CLCN7: variants seen among roughly 807,000 people sequenced by gnomAD.
CLCN7 encodes Cl-/H+ antiporter 7.
A neutral mutation model predicts 102.1 loss-of-function variants in CLCN7; 60 were observed. That is an observed-to-expected ratio of 0.59 (90% confidence interval 0.48 to 0.73). The LOEUF is 0.73. CLCN7 is among the 30% of genes least tolerant of loss of function. CLCN7 has a pLI of 0.00. For missense variants in CLCN7, 962 were observed against 1,125.7 expected (o/e 0.85, Z 2.08); for synonymous variants, 560 against 490.5 (o/e 1.14, Z -1.87).
chr16:1,460,776 C>G (rs1180419317), intron 5 of CLCN7, 40 bp downstream of exon 5: 1 of 1,613,300 alleles, frequency 6.2e-7, no homozygotes, highest in African/African-American at 1.3e-5. Flanking sequence ...CCAGGCCACG[C>G]CCCCCTCCCA....
intron 1 of CLCN7, among the ~76,000 whole-genome samples, chr16:1,468,173 C>T (rs1233606006): frequency 2.6e-5 from 4 of 152,052 alleles, no homozygotes; most frequent in South Asian, 2.1e-4. Context: ...GGAGGGCCAC[C>T]GTCTACACCA....
intron 7 of CLCN7, among the ~76,000 whole-genome samples, chr16:1,458,649 G>A (rs763819886): frequency 1.1e-4 from 17 of 152,214 alleles, no homozygotes; most frequent in Admixed American, 2.0e-4. Flanking sequence ...GAACGATGGC[G>A]GCACAGACAG....
At chr16:1,470,883 A>T (rs548558567) in intron 1 of CLCN7, among the ~76,000 whole-genome samples, 1 of 152,064 alleles carries the variant, frequency 6.6e-6, no homozygotes, top group African/African-American at 2.4e-5. Context: ...GTGTCCCAAC[A>T]TGAGTTCCCA....
intron 2 of CLCN7, 139 bp from the exon 3 acceptor site, chr16:1,461,813 G>A (rs1049242947): frequency 3.6e-5 from 28 of 769,122 alleles, no homozygotes; most frequent in Middle Eastern, 3.4e-4. Context: ...CATGGGGCGC[G>A]GTGGCTGACA....
intron 24 of CLCN7, 85 bp downstream of exon 24, chr16:1,446,921 C>T: frequency 2.3e-6 from 3 of 1,330,750 alleles, no homozygotes; most frequent in Non-Finnish European, 2.1e-6. Flanking sequence ...TTCCGTGTCC[C>T]CTGCCGGGAG....
Position 1,446,408 on chromosome 16 carries a change from G to A in CLCN7, c.*223C>T. The A allele has an allele frequency of 1.4e-6, 1 of 702,266 alleles. No homozygotes were observed. The highest frequency in any genetic ancestry group is 2.6e-6 in the Non-Finnish European group (1 of 384,814). The allele number at this position is 702,266 out of a possible 1,614,324, so 43.5% of individuals were successfully genotyped here. ...ACCTAGACGAGGAGAGTGGAGGCTG[G>A]GCCTGCGCAAGGAGGCGCCAAGGGG... is the stretch of plus-strand genomic sequence containing the variant. On this transcript the variant is annotated 3_prime_UTR_variant, in exon 25 of 25. Coordinates refer to ENST00000382745, the MANE Select transcript of CLCN7 (RefSeq NM_001287.6).
In CLCN7 at chr16:1,445,302, G is replaced by A. The variant is rs2038617710; in HGVS notation, c.*1329C>T. 6.7e-6 allele frequency: 1 copy of A among 148,670 alleles called. No individual in the cohort carries two copies. Among genetic ancestry groups the A allele is most frequent in the African/African-American group, 2.4e-5 (1 of 40,968 alleles). The allele number at this position is 148,670 out of a possible 1,614,324, so 9.2% of individuals were successfully genotyped here. A position where few individuals can be genotyped will look rare whatever the true frequency, so the allele number is the denominator to read the frequency against. ...CGAAAGTCCCAGGCTGTTGGACGTG[G>A]TCTGGGTGGGGTGGGAGGGACGACG... On this transcript the variant is annotated 3_prime_UTR_variant, in exon 25 of 25. Coordinates refer to ENST00000382745, the MANE Select transcript of CLCN7 (RefSeq NM_001287.6).
intron 7 of CLCN7, among the ~76,000 whole-genome samples, chr16:1,458,416 C>T (rs989660033): frequency 4.6e-5 from 7 of 152,280 alleles, no homozygotes; most frequent in Admixed American, 3.3e-4. Flanking sequence ...CAGCCTGGCG[C>T]GGGTGACAGG....
At chr16:1,450,231 T>C (rs192122332) in intron 17 of CLCN7, 1 of 527,530 alleles carries the variant, frequency 1.9e-6, no homozygotes, top group East Asian at 3.3e-5. Flanking sequence ...TTTCATCACA[T>C]TCTCAAGAAT....
intron 1 of CLCN7, among the ~76,000 whole-genome samples, chr16:1,468,762 C>T (rs192088122): frequency 1.0e-3 from 158 of 152,250 alleles, no homozygotes; most frequent in Non-Finnish European, 1.8e-3. Context: ...CGGATCTACA[C>T]GCATTGCACC....
At chr16:1,454,095 C>A (rs1400786564) in intron 13 of CLCN7, among the ~76,000 whole-genome samples, 2 of 152,270 alleles carry the variant, frequency 1.3e-5, no homozygotes, top group Non-Finnish European at 2.9e-5. Flanking sequence ...GCTCTGCCTT[C>A]CTTCCAGGGC....
Position 1,455,221 on chromosome 16 carries a change from G to A in CLCN7, c.1011C>T (p.Thr337=). The A allele has an allele frequency of 1.2e-6, 2 of 1,613,372 alleles. No individual in the cohort carries two copies. Among genetic ancestry groups the A allele is most frequent in the Non-Finnish European group, 1.7e-6 (2 of 1,179,484 alleles). ...IFFASMISTF[T]LNFVLSIYHG... ...GGTAAATGCTCAGAACAAAATTCAG[G>A]GTGAACGTGGAGATCATGGAAGCAA... Residue 337 remains threonine (T), a synonymous_variant, in exon 12 of 25, where the codon ACC becomes ACT. Coordinates refer to ENST00000382745, the MANE Select transcript of CLCN7 (RefSeq NM_001287.6).
chr16:1,474,187 A>G, intron 1 of CLCN7: 1 of 456,104 alleles, frequency 2.2e-6, no homozygotes, highest in Non-Finnish European at 4.4e-6. Flanking sequence ...GCAGGGTGAC[A>G]TGCGGAACGC....
At chr16:1,455,886 A>C in intron 10 of CLCN7, 91 bp from the exon 11 acceptor site, 1 of 1,424,794 alleles carries the variant, frequency 7.0e-7, no homozygotes, top group Non-Finnish European at 9.8e-7. Flanking sequence ...GGGAACCCAG[A>C]CCACGTCAGA....
chr16:1,457,868 G>A lies in CLCN7; in HGVS notation c.676-112C>T, dbSNP rs1596220861. ...ATCAGGCAGAGTGGCTGGGACACGG[G>A]GCCTCCGGGAGGGGGCCAGCACCCC... On this transcript the variant is annotated intron_variant, in intron 7 of 24. Transcript: ENST00000382745. The surrounding 1 kb of genome is among the most constrained non-coding windows in gnomAD (Gnocchi z 5.4). The A allele has an allele frequency of 8.2e-6, 9 of 1,097,294 alleles. No individual in the cohort carries two copies. Among genetic ancestry groups the A allele is most frequent in the South Asian group, 1.3e-5 (1 of 78,242 alleles). The allele number at this position is 1,097,294 out of a possible 1,614,324, so 68.0% of individuals were successfully genotyped here.
intron 1 of CLCN7, chr16:1,474,225 G>A (rs759487110): frequency 4.4e-6 from 2 of 455,954 alleles, no homozygotes; most frequent in South Asian, 1.5e-5. Context: ...GCTGCTTATT[G>A]TGTTTGCCTG....
In CLCN7 at chr16:1,457,632, G is replaced by A. The variant is rs574761289; in HGVS notation, c.738+62C>T. 1.1e-5 allele frequency: 17 copies of A among 1,539,998 alleles called. No homozygotes were observed. Among genetic ancestry groups the A allele is most frequent in the Admixed American group, 6.7e-5 (4 of 59,672 alleles). On this transcript the variant is annotated intron_variant, in intron 8 of 24. Coordinates refer to ENST00000382745, the MANE Select transcript of CLCN7 (RefSeq NM_001287.6). The surrounding 1 kb of genome is among the most constrained non-coding windows in gnomAD (Gnocchi z 5.4). Reference sequence around the variant, plus strand: ...GTGCTCAGAGACACACATGGGCGTGGCGGCCCTCGCGGGCCCGGCGGCCTC... The same window carrying A: ...GTGCTCAGAGACACACATGGGCGTGACGGCCCTCGCGGGCCCGGCGGCCTC...
chr16:1,452,578 C>T, intron 15 of CLCN7, 177 bp downstream of exon 15: 1 of 665,156 alleles, frequency 1.5e-6, no homozygotes, highest in Non-Finnish European at 2.5e-6. Context: ...TCAGCAGACA[C>T]CTGGCCTCCT....
chr16:1,471,402 G>A (rs1019141647), intron 1 of CLCN7, among the ~76,000 whole-genome samples: 1 of 152,162 alleles, frequency 6.6e-6, no homozygotes, highest in Admixed American at 6.5e-5. Flanking sequence ...AAACAGCTCT[G>A]GAGGCCTTGA....
Sources: allele counts gnomAD v4.1 joint callset (sites outside exome capture counted in the v4.1 genomes callset), GRCh38; gene constraint gnomAD v4.1.1; non-coding constraint Gnocchi (gnomAD v3.1); transcripts MANE v1.5; gene names NCBI Gene and HGNC (gene_info 2026-07-23, HGNC 2026-07-21).